The following DTNA variants were observed in gnomAD, a reference collection of about 807,000 sequenced individuals.
DTNA encodes dystrobrevin alpha.
Under a neutral mutation model 100.7 loss-of-function variants are expected in DTNA, and 43 were observed. The ratio of observed to expected loss-of-function variants is 0.43; its 90% CI spans 0.33 to 0.55. The LOEUF is 0.55. Ranked by LOEUF, DTNA falls within the 20% of genes least tolerant of loss-of-function variation. The pLI, the probability that DTNA is intolerant of heterozygous loss-of-function variation, is 0.04. For missense variants in DTNA, 798 were observed against 953.9 expected (o/e 0.84, Z 2.15); for synonymous variants, 349 against 347.9 (o/e 1.00, Z -0.04).
chr18:34,882,240 C>A, intron 21 of DTNA, 39 bp downstream of exon 21: 1 of 1,610,694 alleles, frequency 6.2e-7, no homozygotes, highest in Non-Finnish European at 8.5e-7. Flanking sequence ...ACCTCTTCTG[C>A]CTCAACCCCT....
intron 1 of DTNA, chr18:34,662,856 C>G (rs1042307738): frequency 3.3e-5 from 5 of 152,138 alleles, no homozygotes; most frequent in African/African-American, 4.8e-5. Context: ...CCTTTTAGGA[C>G]AACGGTTCTC....
At chr18:34,534,483 AT>A (rs145554979) in intron 1 of DTNA, among the ~76,000 whole-genome samples, 3 of 151,128 alleles carry the variant, frequency 2.0e-5, no homozygotes, top group East Asian at 2.0e-4. Context: ...CAAGCATTTT[AT>A]TTTTTTTTAA....
intron 1 of DTNA, among the ~76,000 whole-genome samples, chr18:34,630,813 A>G (rs1451819517): frequency 6.6e-6 from 1 of 150,810 alleles, no homozygotes; most frequent in Non-Finnish European, 1.5e-5. Context: ...CAAACTGTCA[A>G]AAAAAAAAGG....
At chr18:34,662,546 C>T (rs1238400230) in intron 1 of DTNA, among the ~76,000 whole-genome samples, 1 of 152,132 alleles carries the variant, frequency 6.6e-6, no homozygotes, top group Non-Finnish European at 1.5e-5. Flanking sequence ...ATCTCAGTCT[C>T]ACTTAAAATA....
intron 1 of DTNA, among the ~76,000 whole-genome samples, chr18:34,585,173 C>T (rs1598750326): frequency 6.6e-6 from 1 of 151,800 alleles, no homozygotes; most frequent in Admixed American, 6.6e-5. Flanking sequence ...GGGAACGGGA[C>T]CCAAACTACA....
chr18:34,864,411 G>A (rs1210647322), intron 17 of DTNA, among the ~76,000 whole-genome samples: 2 of 152,150 alleles, frequency 1.3e-5, no homozygotes, highest in East Asian at 1.9e-4. Flanking sequence ...CCGCCACCGC[G>A]CCCGGCTAAT....
intron 1 of DTNA, among the ~76,000 whole-genome samples, chr18:34,666,885 G>C (rs1245441532): frequency 6.6e-6 from 1 of 152,150 alleles, no homozygotes; most frequent in Non-Finnish European, 1.5e-5. Context: ...TTTTGGCTTA[G>C]GATTGACTTG....
intron 6 of DTNA, 103 bp downstream of exon 6, chr18:34,812,216 T>G: frequency 1.3e-6 from 2 of 1,510,762 alleles, no homozygotes; most frequent in South Asian, 2.3e-5. Context: ...TTATTCTGTG[T>G]GATAGCAACC....
At chr18:34,766,828 C>A (rs2093500654) in intron 3 of DTNA, among the ~76,000 whole-genome samples, 4 of 152,048 alleles carry the variant, frequency 2.6e-5, no homozygotes, top group African/African-American at 7.2e-5. Flanking sequence ...AAAATTAGCT[C>A]TTTGTGTCAG....
At chr18:34,599,132 A>G (rs1429921195) in intron 1 of DTNA, among the ~76,000 whole-genome samples, 1 of 152,150 alleles carries the variant, frequency 6.6e-6, no homozygotes, top group Non-Finnish European at 1.5e-5. Context: ...GGCTTATATT[A>G]TTTCTCATAC....
At chr18:34,649,611 T>C (rs978485767) in intron 1 of DTNA, among the ~76,000 whole-genome samples, 1 of 152,208 alleles carries the variant, frequency 6.6e-6, no homozygotes, top group African/African-American at 2.4e-5. Flanking sequence ...AGAAAAAAAT[T>C]GAGGGAATTA....
intron 1 of DTNA, among the ~76,000 whole-genome samples, chr18:34,745,573 C>A (rs140773403): frequency 5.3e-5 from 8 of 152,246 alleles, no homozygotes; most frequent in Admixed American, 3.3e-4. Context: ...GGTTGTGTAT[C>A]CAGGTATTCT....
intron 6 of DTNA, among the ~76,000 whole-genome samples, chr18:34,814,080 G>A (rs1000877542): frequency 3.3e-5 from 5 of 152,104 alleles, no homozygotes; most frequent in Non-Finnish European, 7.4e-5. Context: ...GTGAGGGCAG[G>A]GGGCTGAGTT....
chr18:34,875,906 G>A (rs1251029933), intron 18 of DTNA, among the ~76,000 whole-genome samples: 2 of 152,210 alleles, frequency 1.3e-5, no homozygotes, highest in Non-Finnish European at 2.9e-5. Context: ...TCTGCAGTTA[G>A]AGGAGTACAA....
chr18:34,686,016 T>C (rs1360539336), intron 1 of DTNA, among the ~76,000 whole-genome samples: 5 of 152,234 alleles, frequency 3.3e-5, no homozygotes, highest in African/African-American at 1.2e-4. Context: ...TGAATTTGCT[T>C]ATCAGCTTAA....
At chr18:34,873,847 TC>T (rs1384099565) in intron 17 of DTNA, among the ~76,000 whole-genome samples, 1 of 152,090 alleles carries the variant, frequency 6.6e-6, no homozygotes, top group Non-Finnish European at 1.5e-5. Flanking sequence ...ACTAGACCCC[TC>T]CTTGAGCAGG....
intron 1 of DTNA, among the ~76,000 whole-genome samples, chr18:34,736,331 T>A (rs376299155): frequency 2.6e-5 from 4 of 152,228 alleles, no homozygotes; most frequent in Non-Finnish European, 5.9e-5. Flanking sequence ...TGTAGGAGAA[T>A]CTTTTCAAAT....
intron 3 of DTNA, among the ~76,000 whole-genome samples, chr18:34,775,801 C>G (rs1452655740): frequency 6.6e-6 from 1 of 152,164 alleles, no homozygotes. Context: ...CTTGTGATAC[C>G]CTGAGCAGGG....
intron 1 of DTNA, among the ~76,000 whole-genome samples, chr18:34,525,466 T>G (rs1009731032): frequency 3.3e-5 from 5 of 152,134 alleles, no homozygotes; most frequent in Non-Finnish European, 7.3e-5. Context: ...GCCCCACAGT[T>G]CATCAGTACT....
Sources: gnomAD v4.1 joint callset for allele counts (sites outside exome capture counted in the v4.1 genomes callset) on GRCh38, gnomAD v4.1.1 for gene constraint, MANE v1.5 for transcripts, NCBI Gene and HGNC (gene_info 2026-07-23, HGNC 2026-07-21) for gene names.